The following PTPRZ1 variants were observed in gnomAD, a reference collection of about 807,000 sequenced individuals.
PTPRZ1 encodes the protein receptor-type tyrosine-protein phosphatase zeta.
Under a neutral mutation model 214.1 loss-of-function variants are expected in PTPRZ1, and 82 were observed. The ratio of observed to expected loss-of-function variants is 0.38; its 90% CI spans 0.32 to 0.46. The LOEUF (loss-of-function observed/expected upper bound fraction) is 0.46, where lower values mean the gene tolerates loss of function less well. Ranked by LOEUF, PTPRZ1 falls within the 20% of genes least tolerant of loss-of-function variation. The pLI is 1.00. For missense variants in PTPRZ1, 2,603 were observed against 2,748.7 expected (o/e 0.95, Z 1.19); for synonymous variants, 945 against 987.9 (o/e 0.96, Z 0.81).
chr7:121,915,671 C>A (rs1795404762), intron 1 of PTPRZ1, among the ~76,000 whole-genome samples: 1 of 152,068 alleles, frequency 6.6e-6, no homozygotes, highest in South Asian at 2.1e-4. Flanking sequence ...ATCAGTGTAT[C>A]CTTGGCTAGA....
At chr7:121,902,921 T>C (rs1795010125) in intron 1 of PTPRZ1, among the ~76,000 whole-genome samples, 1 of 152,028 alleles carries the variant, frequency 6.6e-6, no homozygotes, top group South Asian at 2.1e-4. Flanking sequence ...AGCCATGCAG[T>C]GTAATGTTGA....
At chr7:122,020,168 G>GT (rs997946585) in intron 13 of PTPRZ1, among the ~76,000 whole-genome samples, 12 of 151,884 alleles carry the variant, frequency 7.9e-5, no homozygotes, top group Non-Finnish European at 1.3e-4. Context: ...ATATTCTCGT[G>GT]TTTTTTTCTG....
In PTPRZ1 at chr7:121,976,816, C is replaced by A. The variant is rs201230238; in HGVS notation, c.584C>A (p.Ala195Glu). The A allele has an allele frequency of 8.7e-6, 14 of 1,610,560 alleles. No individual in the cohort carries two copies. The highest frequency in any genetic ancestry group is 1.2e-5 in the Non-Finnish European group (14 of 1,178,238). Residue 195 changes from alanine (A) to glutamate (E), a missense_variant, in exon 6 of 30, where the codon GCG becomes GAG. Around this residue, in one of 6 missense-constraint regions of PTPRZ1, gnomAD observed 244 missense variants for 333.2 expected, o/e 0.73. Transcript: ENST00000393386. ...VGTEENLDFK[A>E]IIDGVESVSR... ...ACAGAAGAAAATTTGGATTTCAAAGCGATTATTGATGGAGTCGAAAGTGTT... is the reference window on the plus strand; with the variant it reads ...ACAGAAGAAAATTTGGATTTCAAAGAGATTATTGATGGAGTCGAAAGTGTT...
At position 122,040,940 on chromosome 7, in the gene PTPRZ1, CCAAGCGCCATGCAGTGGG is replaced by C; in HGVS notation, c.5763_5780del (p.Lys1922_Gly1927del). The C allele has an allele frequency of 6.3e-7, 1 of 1,595,914 alleles. No individual in the cohort carries two copies. The highest frequency in any genetic ancestry group is 8.6e-7 in the Non-Finnish European group (1 of 1,166,760). On this transcript the variant is annotated inframe_deletion, in exon 21 of 30. Coordinates refer to ENST00000393386, the MANE Select transcript of PTPRZ1 (RefSeq NM_002851.3). Reference sequence around the variant, plus strand: ...ACCTTTGTGAGAAAGGCAGCCTATGCCAAGCGCCATGCAGTGGGGCCTGTTGTCGTCCACTGCAGGTGA... The same window carrying C: ...ACCTTTGTGAGAAAGGCAGCCTATGCGCCTGTTGTCGTCCACTGCAGGTGA...
rs748694959 is a variant in PTPRZ1 at position 122,055,155 on chromosome 7, A to G, written c.6528+68A>G. 1.1e-5 allele frequency: 14 copies of G among 1,279,822 alleles called. No homozygotes were observed. The East Asian group carries it at 3.1e-4, about 28-fold the overall frequency. 79.3% of individuals were successfully genotyped at this position (1,279,822 alleles called of 1,614,324 possible). A position where few individuals can be genotyped will look rare whatever the true frequency, so the allele number is the denominator to read the frequency against. On this transcript the variant is annotated intron_variant, in intron 27 of 29. Coordinates refer to ENST00000393386, the MANE Select transcript of PTPRZ1 (RefSeq NM_002851.3). The stretch of plus-strand genomic sequence containing the variant: ...ATGTTAAACATATTCTGACCTAAGG[A>G]TCTGTCCTAGAAATGAAAAGCATGA...
At chr7:122,020,222 C>T (rs973330884) in intron 13 of PTPRZ1, among the ~76,000 whole-genome samples, 1 of 151,874 alleles carries the variant, frequency 6.6e-6, no homozygotes, top group Admixed American at 6.6e-5. Context: ...ATACCTAGTA[C>T]TGTGTTAACC....
At chr7:121,937,802 G>A (rs1385826900) in intron 2 of PTPRZ1, among the ~76,000 whole-genome samples, 1 of 152,140 alleles carries the variant, frequency 6.6e-6, no homozygotes, top group East Asian at 1.9e-4. Flanking sequence ...TATACACACA[G>A]GCTGAGGAGA....
intron 18 of PTPRZ1, 70 bp downstream of exon 18, chr7:122,036,752 C>A (rs1383304530): frequency 2.9e-6 from 3 of 1,023,000 alleles, no homozygotes; most frequent in East Asian, 5.0e-5. Context: ...TAATGCCATA[C>A]ATGCATACAT....
intron 2 of PTPRZ1, among the ~76,000 whole-genome samples, chr7:121,939,673 A>C (rs1563027856): frequency 6.6e-6 from 1 of 152,238 alleles, no homozygotes; most frequent in Non-Finnish European, 1.5e-5. Flanking sequence ...TGACAAAGGA[A>C]AATTTAAAGT....
intron 11 of PTPRZ1, among the ~76,000 whole-genome samples, chr7:122,007,997 C>G (rs1798543707): frequency 6.6e-6 from 1 of 152,056 alleles, no homozygotes; most frequent in Non-Finnish European, 1.5e-5. Context: ...TCACTGGGTT[C>G]TGAGAGGTTC....
chr7:121,903,582 T>G (rs540562365), intron 1 of PTPRZ1, among the ~76,000 whole-genome samples: 1 of 152,308 alleles, frequency 6.6e-6, no homozygotes, highest in African/African-American at 2.4e-5. Flanking sequence ...GATTTTTATT[T>G]TTTACCCAGC....
intron 12 of PTPRZ1, among the ~76,000 whole-genome samples, chr7:122,016,381 C>T (rs560980850): frequency 3.9e-5 from 6 of 151,980 alleles, no homozygotes; most frequent in African/African-American, 1.4e-4. Context: ...TGAGCCATCT[C>T]AAGGAGATAT....
intron 10 of PTPRZ1, among the ~76,000 whole-genome samples, chr7:121,999,024 C>T (rs1798237816): frequency 6.6e-6 from 1 of 152,062 alleles, no homozygotes; most frequent in East Asian, 1.9e-4. Flanking sequence ...CATTGATCAC[C>T]TTACCATAGC....
chr7:121,925,595 G>A (rs575667012), intron 1 of PTPRZ1, among the ~76,000 whole-genome samples: 2 of 152,294 alleles, frequency 1.3e-5, no homozygotes, highest in East Asian at 1.9e-4. Context: ...AGCTGGATCC[G>A]AGTCTGAACT....
chr7:121,921,001 G>A (rs993182696), intron 1 of PTPRZ1, among the ~76,000 whole-genome samples: 5 of 151,942 alleles, frequency 3.3e-5, no homozygotes, highest in Non-Finnish European at 7.4e-5. Context: ...ACATGCATGG[G>A]CAAAACTGTT....
intron 2 of PTPRZ1, among the ~76,000 whole-genome samples, chr7:121,931,920 A>G (rs1795937708): frequency 6.6e-6 from 1 of 151,920 alleles, no homozygotes; most frequent in Non-Finnish European, 1.5e-5. Context: ...AAAGCGTGGT[A>G]TTTGTTGTAG....
chr7:121,902,026 C>T (rs1254185133), intron 1 of PTPRZ1, among the ~76,000 whole-genome samples: 4 of 152,140 alleles, frequency 2.6e-5, no homozygotes, highest in East Asian at 1.9e-4. Flanking sequence ...GCTACTCTCA[C>T]CAGCAGGTAG....
At chr7:121,938,454 G>A (rs1318580710) in intron 2 of PTPRZ1, among the ~76,000 whole-genome samples, 1 of 152,180 alleles carries the variant, frequency 6.6e-6, no homozygotes, top group Admixed American at 6.5e-5. Flanking sequence ...CATCCAGAGG[G>A]AAAATAAACT....
intron 1 of PTPRZ1, among the ~76,000 whole-genome samples, chr7:121,913,038 C>T (rs1795323212): frequency 6.6e-6 from 1 of 152,026 alleles, no homozygotes; most frequent in Admixed American, 6.6e-5. Flanking sequence ...CAGCAGGGAG[C>T]AAGATAGGCA....
Sources: gnomAD v4.1 joint callset for allele counts (sites outside exome capture counted in the v4.1 genomes callset) on GRCh38, gnomAD v4.1.1 for gene constraint, gnomAD v4.1.1 regional missense constraint, MANE v1.5 for transcripts, NCBI Gene and HGNC (gene_info 2026-07-23, HGNC 2026-07-21) for gene names.